The following PIGX variants were observed in gnomAD, a reference collection of about 807,000 sequenced individuals.
PIGX encodes the protein GPI alpha-1,4-mannosyltransferase I, stabilizing subunit.
Under a neutral mutation model 28.7 loss-of-function variants are expected in PIGX, and 24 were observed. That is an observed-to-expected ratio of 0.84 (90% CI 0.60 to 1.17). The LOEUF (loss-of-function observed/expected upper bound fraction) is 1.17. Ranked by LOEUF, PIGX falls within the 50% of genes most tolerant of loss-of-function variation. The pLI, the probability that PIGX is intolerant of heterozygous loss-of-function variation, is 0.00. For synonymous variants in PIGX, 127 were observed against 121.0 expected (o/e 1.05, Z -0.33); for missense variants, 305 against 317.8 (o/e 0.96, Z 0.31).
intron 5 of PIGX, among the ~76,000 whole-genome samples, chr3:196,732,919 C>G (rs998020315): frequency 6.6e-6 from 1 of 152,050 alleles, no homozygotes; most frequent in African/African-American, 2.4e-5. Context: ...TTTTCCATTG[C>G]TAGTCATAGT....
intron 4 of PIGX, among the ~76,000 whole-genome samples, chr3:196,730,338 G>A (rs1003778221): frequency 1.3e-5 from 2 of 152,058 alleles, no homozygotes; most frequent in African/African-American, 4.8e-5. Flanking sequence ...GTTTCATATG[G>A]AAATTTATCG....
chr3:196,724,091 C>T (rs1230847054), intron 3 of PIGX, among the ~76,000 whole-genome samples: 1 of 149,408 alleles, frequency 6.7e-6, no homozygotes, highest in East Asian at 2.0e-4. Flanking sequence ...AATCTTGGCT[C>T]ACTGAAACCT....
chr3:196,719,557 C>T (rs1028427683), intron 2 of PIGX, among the ~76,000 whole-genome samples: 1 of 152,152 alleles, frequency 6.6e-6, no homozygotes, highest in Non-Finnish European at 1.5e-5. Context: ...AACCTGCAAT[C>T]GTTACCTATC....
chr3:196,716,276 T>G (rs1009675085), intron 1 of PIGX, among the ~76,000 whole-genome samples: 1 of 152,208 alleles, frequency 6.6e-6, no homozygotes, highest in African/African-American at 2.4e-5. Flanking sequence ...TTTTTGTTTT[T>G]TTTTTAAACC....
Position 196,734,070 on chromosome 3 carries a change from T to C in PIGX, c.*168T>C, listed in dbSNP as rs73072748. ...ATTCTCAGCTAATTCCAAAATGTAG[T>C]GCTCTATTGCATGGATCCTTGGTAA... On this transcript the variant is annotated 3_prime_UTR_variant, in exon 6 of 6. Transcript: ENST00000392391. 559 of 575,006 alleles carry C rather than the reference T, an allele frequency of 9.7e-4. 5 individuals carry two copies. In the African/African-American group the frequency reaches 9.8e-3, roughly 10 times the overall value. 35.6% of individuals were successfully genotyped at this position (575,006 alleles called of 1,614,324 possible).
At chr3:196,722,222 TG>T (rs1446258186) in intron 2 of PIGX, among the ~76,000 whole-genome samples, 192 bp from the exon 3 acceptor site, 1 of 152,262 alleles carries the variant, frequency 6.6e-6, no homozygotes, top group African/African-American at 2.4e-5. Context: ...AATGCTATAG[TG>T]GCTTATGACA....
In PIGX at chr3:196,733,457, C is replaced by T. The variant is rs1313718961; in HGVS notation, c.634-302C>T. Among the ~76,000 whole-genome samples, 1 of 152,070 alleles carries T rather than the reference C, an allele frequency of 6.6e-6. No homozygotes were observed. Among genetic ancestry groups the T allele is most frequent in the Non-Finnish European group, 1.5e-5 (1 of 68,016 alleles). On this transcript the variant is annotated intron_variant, in intron 5 of 5. Coordinates refer to ENST00000392391, the MANE Select transcript of PIGX (RefSeq NM_017861.4). This position sits in a 1 kb window ranked among gnomAD's most constrained non-coding sequence, Gnocchi z 4.3. ...ACAGAGTCTTCCTCTGTCTCCCAGG[C>T]TGGAGTACAGTGGCACGATCTCAGC...
At chr3:196,726,888 G>A (rs1049367012) in intron 3 of PIGX, 5 of 220,782 alleles carry the variant, frequency 2.3e-5, no homozygotes, top group Admixed American at 5.4e-5. Flanking sequence ...AAGCAGTGGC[G>A]GTATACCTGA....
At chr3:196,720,469 C>T (rs55809933) in intron 2 of PIGX, among the ~76,000 whole-genome samples, 56,169 of 152,058 alleles carry the variant, frequency 0.37, 10,443 homozygotes, top group East Asian at 0.56. Flanking sequence ...TTGGTTGCTC[C>T]TGCCTTTTGG....
At chr3:196,729,707 C>T (rs944845289) in intron 4 of PIGX, among the ~76,000 whole-genome samples, 8 of 150,500 alleles carry the variant, frequency 5.3e-5, no homozygotes, top group African/African-American at 1.9e-4. Flanking sequence ...CTTTAGTTTA[C>T]GAAGCCCCTT....
At chr3:196,713,294 T>A (rs976449351) in intron 1 of PIGX, among the ~76,000 whole-genome samples, 1 of 95,700 alleles carries the variant, frequency 1.0e-5, no homozygotes, top group Non-Finnish European at 2.0e-5. Flanking sequence ...AACAAAGGAT[T>A]ATGAGGCCAA....
chr3:196,724,022 G>GTTT (rs1462271791), intron 3 of PIGX, among the ~76,000 whole-genome samples: 9 of 129,968 alleles, frequency 6.9e-5, no homozygotes, highest in African/African-American at 8.4e-5. Context: ...TTAATTTAAT[G>GTTT]TTTTTTTTTT....
chr3:196,725,288 A>T (rs1307262079), intron 3 of PIGX, among the ~76,000 whole-genome samples: 3 of 152,198 alleles, frequency 2.0e-5, no homozygotes, highest in Non-Finnish European at 4.4e-5. Context: ...ACAGGTAACA[A>T]ATTTAGTCTC....
chr3:196,730,997 C>G lies in PIGX; in HGVS notation c.538C>G (p.Pro180Ala). 6.2e-7 allele frequency: 1 copy of G among 1,604,900 alleles called. No homozygotes were observed. The change falls in exon 5 of 6, where the codon CCG becomes GCG. Residue 180 changes from proline to alanine, a missense_variant. By Grantham distance (27) the Pro-to-Ala change is conservative (BLOSUM62 -1). Transcript: ENST00000392391. ...TTTTCTACCACTTTTCTCAGAGTTCCCGATTTTGAAATGCTGGGCTCACTC... is the reference window on the plus strand; with the variant it reads ...TTTTCTACCACTTTTCTCAGAGTTCGCGATTTTGAAATGCTGGGCTCACTC...
intron 1 of PIGX, 185 bp downstream of exon 1, chr3:196,712,829 C>G: frequency 9.1e-7 from 1 of 1,098,322 alleles, no homozygotes; most frequent in Non-Finnish European, 1.1e-6. Context: ...GCGGCGGATC[C>G]CGGGTCTCCG....
chr3:196,733,050 T>C lies in PIGX; in HGVS notation c.634-709T>C, dbSNP rs1223982756. On this transcript the variant is annotated intron_variant, in intron 5 of 5. Coordinates refer to ENST00000392391, the MANE Select transcript of PIGX (RefSeq NM_017861.4). This position sits in a 1 kb window ranked among gnomAD's most constrained non-coding sequence, Gnocchi z 4.3. Reference sequence around the variant, plus strand: ...TTTTGTTGTTTTAATGTTTTTCCTCTAAGTCTTCAATTTAGAGAGAATTCT... The same window carrying C: ...TTTTGTTGTTTTAATGTTTTTCCTCCAAGTCTTCAATTTAGAGAGAATTCT... Among the ~76,000 whole-genome samples, 1 of 152,224 alleles carries C rather than the reference T, an allele frequency of 6.6e-6. No homozygotes were observed. Among genetic ancestry groups the C allele is most frequent in the Non-Finnish European group, 1.5e-5 (1 of 68,034 alleles).
intron 4 of PIGX, chr3:196,728,582 TTTC>T (rs1258998334): frequency 1.4e-6 from 1 of 699,500 alleles, no homozygotes; most frequent in Non-Finnish European, 2.6e-6. Context: ...ATCCCTTTCC[TTTC>T]TTCAACACTG....
In PIGX at chr3:196,734,050, C is replaced by G. The variant is rs1049522646; in HGVS notation, c.*148C>G. The G allele has an allele frequency of 3.9e-5, 23 of 594,966 alleles. 1 individual carries two copies. The highest frequency in any genetic ancestry group is 6.8e-5 in the Non-Finnish European group (23 of 336,644). The allele number at this position is 594,966 out of a possible 1,614,324, so 36.9% of individuals were successfully genotyped here. A position where few individuals can be genotyped will look rare whatever the true frequency, so the allele number is the denominator to read the frequency against. On this transcript the variant is annotated 3_prime_UTR_variant, in exon 6 of 6. Coordinates refer to ENST00000392391, the MANE Select transcript of PIGX (RefSeq NM_017861.4). ...ACTAGAGGAAATTTGGGATCATTCT[C>G]AGCTAATTCCAAAATGTAGTGCTCT...
chr3:196,732,952 A>G (rs1162858379), intron 5 of PIGX, among the ~76,000 whole-genome samples: 1 of 152,224 alleles, frequency 6.6e-6, no homozygotes, highest in Non-Finnish European at 1.5e-5. Context: ...CAGCTGTACA[A>G]TATGGGAATA....
Sources: gnomAD v4.1 joint callset for allele counts (sites outside exome capture counted in the v4.1 genomes callset) on GRCh38, gnomAD v4.1.1 for gene constraint, Gnocchi (gnomAD v3.1) non-coding constraint, MANE v1.5 for transcripts, NCBI Gene and HGNC (gene_info 2026-07-23, HGNC 2026-07-21) for gene names.